Variants in SIK3 observed in about 807,000 individuals in gnomAD.
SIK3 encodes the protein SIK family kinase 3, also known as serine/threonine-protein kinase SIK3.
Under a neutral mutation model 144.2 loss-of-function variants are expected in SIK3, and 28 were observed. That is an observed-to-expected ratio of 0.19 (90% CI 0.14 to 0.27). The LOEUF is 0.27. Among genes scored for constraint, SIK3 ranks in the 10% least tolerant of loss-of-function variants. The pLI is 1.00. For missense variants in SIK3, 1,319 were observed against 1,776.0 expected, an observed-to-expected ratio of 0.74 and a Z score of 4.62; for synonymous variants, 686 against 676.3, an observed-to-expected ratio of 1.01 and a Z score of -0.22.
intron 1 of SIK3, among the ~76,000 whole-genome samples, chr11:117,063,450 G>A (rs983788401): frequency 1.3e-5 from 2 of 152,102 alleles, no homozygotes; most frequent in Non-Finnish European, 2.9e-5. Context: ...CAGGCTATCT[G>A]TAACCAAACC....
chr11:116,933,137 CTTTTT>C (rs35571107), intron 3 of SIK3, among the ~76,000 whole-genome samples: 1 of 140,020 alleles, frequency 7.1e-6, no homozygotes, highest in African/African-American at 2.7e-5. Flanking sequence ...AACCTTGCTC[CTTTTT>C]TTTTTTTTTT....
chr11:116,944,718 ATTAGC>A (rs1002265435), intron 3 of SIK3, among the ~76,000 whole-genome samples: 24 of 152,278 alleles, frequency 1.6e-4, no homozygotes, highest in African/African-American at 5.5e-4. Flanking sequence ...CCGGGAGTAT[ATTAGC>A]TTTCAGTGAA....
intron 1 of SIK3, among the ~76,000 whole-genome samples, chr11:116,975,727 T>G (rs1206106683): frequency 1.3e-5 from 2 of 152,208 alleles, no homozygotes; most frequent in Non-Finnish European, 2.9e-5. Flanking sequence ...TACCTACCAG[T>G]GGAATTGCTG....
At chr11:117,060,277 A>G (rs1034526087) in intron 1 of SIK3, among the ~76,000 whole-genome samples, 1 of 152,232 alleles carries the variant, frequency 6.6e-6, no homozygotes, top group African/African-American at 2.4e-5. Flanking sequence ...CATTCTGGTA[A>G]CATCAAAACT....
intron 1 of SIK3, among the ~76,000 whole-genome samples, chr11:117,006,042 T>C (rs1266476949): frequency 6.6e-6 from 1 of 152,158 alleles, no homozygotes; most frequent in African/African-American, 2.4e-5. Context: ...ACAAATAGTG[T>C]TCCTTGCTCA....
chr11:117,038,671 TGC>T (rs1227339215), intron 1 of SIK3, among the ~76,000 whole-genome samples: 1 of 151,824 alleles, frequency 6.6e-6, no homozygotes, highest in Non-Finnish European at 1.5e-5. Context: ...ATTCTTTATT[TGC>T]AATGACTCTC....
At chr11:116,947,170 T>TATATATAA (rs1565486969) in intron 3 of SIK3, among the ~76,000 whole-genome samples, 7 of 116,624 alleles carry the variant, frequency 6.0e-5, no homozygotes, top group Non-Finnish European at 8.1e-5. Flanking sequence ...ATATATAAAT[T>TATATATAA]ATTATTTATA....
intron 4 of SIK3, among the ~76,000 whole-genome samples, chr11:116,899,403 T>C (rs947271204): frequency 1.3e-5 from 2 of 151,968 alleles, no homozygotes; most frequent in African/African-American, 4.8e-5. Context: ...AGTCAGGTAG[T>C]GTGATGCCTC....
At chr11:116,885,012 T>C (rs913092150) in intron 6 of SIK3, among the ~76,000 whole-genome samples, 1 of 152,208 alleles carries the variant, frequency 6.6e-6, no homozygotes, top group East Asian at 1.9e-4. Flanking sequence ...TCAAAAATGA[T>C]ATTCCAACAG....
intron 1 of SIK3, among the ~76,000 whole-genome samples, chr11:117,032,627 C>T (rs1952310840): frequency 6.6e-6 from 1 of 151,848 alleles, no homozygotes. Flanking sequence ...CTAGCTCAGC[C>T]TCCCGAGTAG....
At position 117,038,895 on chromosome 11, in the gene SIK3, C is replaced by A. The variant is rs565947750; in HGVS notation, c.273+59248G>T. ...TGAAACCCCATCTCTACTAAAAATA[C>A]AAAAATTAGCCAGGCATGGTGGTGT... On this transcript the variant is annotated intron_variant, in intron 1 of 24. Transcript: ENST00000445177. Among the ~76,000 whole-genome samples the A allele has an allele frequency of 4.6e-5, 7 of 151,680 alleles. No individual in the cohort carries two copies. In the East Asian group the frequency reaches 1.4e-3, roughly 30 times the overall value.
chr11:116,925,257 A>G (rs1947212597), intron 4 of SIK3, among the ~76,000 whole-genome samples: 1 of 152,184 alleles, frequency 6.6e-6, no homozygotes, highest in Non-Finnish European at 1.5e-5. Flanking sequence ...TCGAAAACAA[A>G]AACAAAAAAA....
At chr11:116,880,086 T>G (rs993177444) in intron 6 of SIK3, among the ~76,000 whole-genome samples, 1 of 152,198 alleles carries the variant, frequency 6.6e-6, no homozygotes, top group Non-Finnish European at 1.5e-5. Flanking sequence ...TGAATGGTGT[T>G]CAGTTACAGG....
intron 22 of SIK3, among the ~76,000 whole-genome samples, chr11:116,848,166 T>C (rs1047658610): frequency 6.6e-6 from 1 of 150,450 alleles, no homozygotes; most frequent in Non-Finnish European, 1.5e-5. Context: ...TACGAAAAAT[T>C]AGCTGGGCTA....
chr11:116,955,949 T>C (rs1007018700), intron 2 of SIK3, among the ~76,000 whole-genome samples: 3 of 150,310 alleles, frequency 2.0e-5, no homozygotes, highest in Non-Finnish European at 4.4e-5. Context: ...TACGAAAGCT[T>C]GCCCATAGAG....
At chr11:116,968,299 T>C (rs954528670) in intron 1 of SIK3, among the ~76,000 whole-genome samples, 3 of 152,072 alleles carry the variant, frequency 2.0e-5, no homozygotes, top group Admixed American at 6.6e-5. Flanking sequence ...CGCACCACCA[T>C]GCCCGGCTAA....
chr11:117,043,351 T>C (rs1040993834), intron 1 of SIK3, among the ~76,000 whole-genome samples: 2 of 152,150 alleles, frequency 1.3e-5, no homozygotes, highest in South Asian at 2.1e-4. Context: ...CAAAAACTCA[T>C]TACCACATAA....
intron 6 of SIK3, among the ~76,000 whole-genome samples, chr11:116,885,514 G>A (rs1944765780): frequency 6.6e-6 from 1 of 152,152 alleles, no homozygotes; most frequent in Admixed American, 6.5e-5. Context: ...ATCCTGGCTT[G>A]CTATACTGTT....
intron 1 of SIK3, among the ~76,000 whole-genome samples, chr11:117,022,662 G>A: frequency 6.6e-6 from 1 of 152,098 alleles, no homozygotes; most frequent in East Asian, 1.9e-4. Flanking sequence ...CTGTCCTTGT[G>A]TCAAAACGCA....
Sources: allele counts gnomAD v4.1 joint callset (sites outside exome capture counted in the v4.1 genomes callset), GRCh38; gene constraint gnomAD v4.1.1; transcripts MANE v1.5; gene names NCBI Gene and HGNC (gene_info 2026-07-23, HGNC 2026-07-21).